Variants in SDHD observed in about 807,000 individuals in gnomAD.
The protein encoded by SDHD is succinate dehydrogenase complex subunit D, also known as succinate dehydrogenase [ubiquinone] cytochrome b small subunit, mitochondrial.
In SDHD, 6 loss-of-function variants were observed where a neutral mutation model predicts 18.7. That is an observed-to-expected ratio of 0.32 (90% confidence interval 0.18 to 0.63). The LOEUF (loss-of-function observed/expected upper bound fraction) is 0.63. SDHD is among the 30% of genes least tolerant of loss of function. SDHD has a pLI of 0.79. For missense variants in SDHD, 160 were observed against 192.7 expected (o/e 0.83, Z 1.00); for synonymous variants, 56 against 73.9 (o/e 0.76, Z 1.24).
At chr11:112,091,506 C>T (rs1357680821) in intron 3 of SDHD, among the ~76,000 whole-genome samples, 1 of 152,138 alleles carries the variant, frequency 6.6e-6, no homozygotes, top group African/African-American at 2.4e-5. Context: ...CATCTGTACC[C>T]TTTTTTAGGT....
intron 1 of SDHD, among the ~76,000 whole-genome samples, chr11:112,087,444 C>T (rs935517711): frequency 3.3e-5 from 5 of 152,288 alleles, no homozygotes; most frequent in Admixed American, 2.6e-4. Context: ...GTAGTTCCCG[C>T]CCTCAACGAG....
In SDHD at chr11:112,095,353, G is replaced by GA. The variant is rs1296397375; in HGVS notation, c.*386dup. The GA allele has an allele frequency of 9.2e-5, 30 of 324,900 alleles. No individual in the cohort carries two copies. The highest frequency in any genetic ancestry group is 1.7e-4 in the Non-Finnish European group (29 of 172,156). The allele number at this position is 324,900 out of a possible 1,614,324, so 20.1% of individuals were successfully genotyped here. On this transcript the variant is annotated 3_prime_UTR_variant, in exon 4 of 4. Transcript: ENST00000375549. ...TTGCCTTGGGAATAATGGACAAAGG[G>GA]AAATACTCTTAATTCATGAATAAAA... is the stretch of plus-strand genomic sequence containing the variant.
At chr11:112,088,231 G>A (rs1319425537) in intron 2 of SDHD, 3 of 455,714 alleles carry the variant, frequency 6.6e-6, no homozygotes, top group East Asian at 4.3e-5. Flanking sequence ...ACAGAGTCTC[G>A]CTCTGTTATG....
chr11:112,090,550 G>C (rs532613526), intron 3 of SDHD, among the ~76,000 whole-genome samples: 31 of 152,132 alleles, frequency 2.0e-4, no homozygotes, highest in Non-Finnish European at 4.1e-4. Flanking sequence ...GTCATTGTGG[G>C]GGGTAGGGAG....
intron 3 of SDHD, among the ~76,000 whole-genome samples, chr11:112,090,479 G>A (rs1044972987): frequency 6.6e-6 from 1 of 152,124 alleles, no homozygotes; most frequent in Non-Finnish European, 1.5e-5. Flanking sequence ...TAAAATGAGG[G>A]TAAATGACAG....
Position 112,087,876 on chromosome 11 carries a change from A to G in SDHD, c.72A>G (p.Pro24=), listed in dbSNP as rs1413100881. 1.9e-6 allele frequency: 3 copies of G among 1,613,266 alleles called. No individual in the cohort carries two copies. The highest frequency in any genetic ancestry group is 2.2e-5 in the South Asian group (2 of 91,060). ...LGGRALLLRT[P]VVRPAHISAF... ...CCTCAGCTCTGTTGCTTCGAACTCCAGTGGTCAGACCTGCTCATATCTCAG... is the reference window on the plus strand; with the variant it reads ...CCTCAGCTCTGTTGCTTCGAACTCCGGTGGTCAGACCTGCTCATATCTCAG... Residue 24 remains proline, a synonymous_variant, in exon 2 of 4, where the codon CCA becomes CCG. Coordinates refer to ENST00000375549, the MANE Select transcript of SDHD (RefSeq NM_003002.4).
chr11:112,092,405 G>C (rs1395894954), intron 3 of SDHD, among the ~76,000 whole-genome samples: 3 of 152,096 alleles, frequency 2.0e-5, no homozygotes, highest in African/African-American at 7.2e-5. Flanking sequence ...TTGTTGCTCT[G>C]TCCCCCACCC....
At chr11:112,094,352 C>T (rs530687775) in intron 3 of SDHD, among the ~76,000 whole-genome samples, 7 of 151,990 alleles carry the variant, frequency 4.6e-5, no homozygotes, top group African/African-American at 1.2e-4. Flanking sequence ...GAGCCGAGAT[C>T]GTGCCACTGC....
At chr11:112,088,495 CG>C in intron 2 of SDHD, 1 of 351,342 alleles carries the variant, frequency 2.8e-6, no homozygotes, top group South Asian at 2.3e-5. Flanking sequence ...GGATTGCAGG[CG>C]TGAGCCACCA....
chr11:112,090,715 T>G (rs1486345959), intron 3 of SDHD, among the ~76,000 whole-genome samples: 2 of 152,088 alleles, frequency 1.3e-5, no homozygotes, highest in Admixed American at 6.5e-5. Context: ...CTTTTTTTTT[T>G]GGGACGGAGT....
rs201057710 is a variant in SDHD at position 112,095,071 on chromosome 11, A to G, written c.*101A>G. 1.4e-5 allele frequency: 12 copies of G among 880,310 alleles called. No homozygotes were observed. Among genetic ancestry groups the G allele is most frequent in the African/African-American group, 3.3e-5 (2 of 60,978 alleles). 54.5% of individuals were successfully genotyped at this position (880,310 alleles called of 1,614,324 possible). ...TAAGGAAGAAATAACAGATAAGTCC[A>G]TTGGTGGACAGCCTTCTTCTCTTAA... On this transcript the variant is annotated 3_prime_UTR_variant, in exon 4 of 4. Transcript: ENST00000375549.
chr11:112,088,911 G>A lies in SDHD; in HGVS notation c.214G>A (p.Val72Ile). The A allele has an allele frequency of 6.2e-7, 1 of 1,613,020 alleles. No homozygotes were observed. ...TCTCCACTGGACTAGCGAGAGGGTT[G>A]TCAGTGTTTTGCTCCTGGGTCTGCT... ...ASLHWTSERV[V>I]SVLLLGLLPA... Residue 72 changes from valine (V) to isoleucine (I), a missense_variant, in exon 3 of 4, where the codon GTC becomes ATC. Transcript: ENST00000375549.
In SDHD at chr11:112,086,883, ATG is replaced by A. The variant is rs1436282899; in HGVS notation, c.-24_-23del. On this transcript the variant is annotated 5_prime_UTR_variant, in exon 1 of 4. It removes an upstream start codon present in the reference 5' UTR. Coordinates refer to ENST00000375549, the MANE Select transcript of SDHD (RefSeq NM_003002.4). ...CGCCTAAGTGGTTCCGGGTTGGTGG[ATG>A]ACCTTGAGCCCTCAGGAACGAGATG... is the stretch of plus-strand genomic sequence containing the variant. The A allele has an allele frequency of 2.5e-6, 4 of 1,613,976 alleles. No homozygotes were observed. In the Admixed American group the frequency reaches 6.7e-5, roughly 27 times the overall value.
At chr11:112,094,347 G>T (rs890328347) in intron 3 of SDHD, among the ~76,000 whole-genome samples, 3 of 151,956 alleles carry the variant, frequency 2.0e-5, no homozygotes, top group African/African-American at 7.3e-5. Context: ...GTAGTGAGCC[G>T]AGATCGTGCC....
chr11:112,091,639 C>A (rs568478188), intron 3 of SDHD, among the ~76,000 whole-genome samples: 1 of 151,758 alleles, frequency 6.6e-6, no homozygotes, highest in Non-Finnish European at 1.5e-5. Context: ...TCTTTTTTCC[C>A]CCCAAATCTC....
At chr11:112,091,686 A>G (rs1455635819) in intron 3 of SDHD, among the ~76,000 whole-genome samples, 6 of 151,916 alleles carry the variant, frequency 3.9e-5, no homozygotes, top group Non-Finnish European at 5.9e-5. Context: ...TCTCAAAGCT[A>G]TGCTCAAACT....
At chr11:112,094,138 G>A (rs566564718) in intron 3 of SDHD, among the ~76,000 whole-genome samples, 10 of 152,058 alleles carry the variant, frequency 6.6e-5, no homozygotes, top group South Asian at 6.2e-4. Context: ...AGTAGCTCAC[G>A]CCTGTAGTCC....
At chr11:112,089,865 A>G (rs1865711685) in intron 3 of SDHD, among the ~76,000 whole-genome samples, 1 of 151,664 alleles carries the variant, frequency 6.6e-6, no homozygotes, top group African/African-American at 2.4e-5. Flanking sequence ...TCTGTTCATT[A>G]TTTTATATAG....
rs1349526811 is a variant in SDHD, at chr11:112,088,214, T to C, written c.169+241T>C. On this transcript the variant is annotated intron_variant, in intron 2 of 3. Transcript: ENST00000375549. ...AATTTTTTTCTTTTGTTTTCTTTTT[T>C]TTTGAGACAGAGTCTCGCTCTGTTA... 6 of 514,132 alleles carry C rather than the reference T, an allele frequency of 1.2e-5. No individual in the cohort carries two copies. In the Admixed American group the frequency reaches 1.9e-4, roughly 16 times the overall value. 31.8% of individuals were successfully genotyped at this position (514,132 alleles called of 1,614,324 possible). A position where few individuals can be genotyped will look rare whatever the true frequency, so the allele number is the denominator to read the frequency against.
Sources: gnomAD v4.1 joint callset for allele counts (sites outside exome capture counted in the v4.1 genomes callset) on GRCh38, gnomAD v4.1.1 for gene constraint, MANE v1.5 for transcripts, NCBI Gene and HGNC (gene_info 2026-07-23, HGNC 2026-07-21) for gene names.